Variants in AGAP1 observed in about 807,000 individuals in gnomAD.
The protein encoded by AGAP1 is ArfGAP with GTPase domain, ankyrin repeat and PH domain 1.
A neutral mutation model predicts 105.3 loss-of-function variants in AGAP1; 29 were observed. That is an observed-to-expected ratio of 0.28 (90% CI 0.21 to 0.38). The LOEUF (loss-of-function observed/expected upper bound fraction) is 0.38, where lower values mean the gene tolerates loss of function less well. Among genes scored for constraint, AGAP1 ranks in the 10% least tolerant of loss-of-function variants. The pLI, the probability that AGAP1 is intolerant of heterozygous loss-of-function variation, is 1.00. For missense variants in AGAP1, 998 were observed against 1,165.1 expected (o/e 0.86, Z 2.09); for synonymous variants, 509 against 485.9 (o/e 1.05, Z -0.63).
At position 236,129,931 on chromosome 2, in the gene AGAP1, G is replaced by A. The variant is rs1349994287; in HGVS notation, c.*5809G>A. 1.3e-5 allele frequency: 2 copies of A among 152,242 alleles called. No individual in the cohort carries two copies. The highest frequency in any genetic ancestry group is 4.8e-5 in the African/African-American group (2 of 41,454). The allele number at this position is 152,242 out of a possible 1,614,324, so 9.4% of individuals were successfully genotyped here. On this transcript the variant is annotated 3_prime_UTR_variant, in exon 18 of 18. Transcript: ENST00000304032. This position sits in a 1 kb window ranked among gnomAD's most constrained non-coding sequence, Gnocchi z 6.2. ...TTCTTACTGTCTTTCACCATGAGAT[G>A]CTGGTTTTGGTGTAAAATGACAGCA...
rs559267462 is a variant in AGAP1, at chr2:235,732,280, C to T, written c.311-8683C>T. ...ACCTCTGTCTTTTTAATCTCATTGA[C>T]TGTGTCTGTTTCAAGCCATTCCTCT... On this transcript the variant is annotated intron_variant, in intron 3 of 17. Transcript: ENST00000304032. The surrounding 1 kb of genome is among the most constrained non-coding windows in gnomAD (Gnocchi z 4.8). Among the ~76,000 whole-genome samples, 6 of 152,268 alleles carry T rather than the reference C, an allele frequency of 3.9e-5. No individual in the cohort carries two copies. Among genetic ancestry groups the T allele is most frequent in the African/African-American group, 1.4e-4 (6 of 41,548 alleles).
At chr2:235,974,831 A>G (rs1400887600) in intron 13 of AGAP1, among the ~76,000 whole-genome samples, 2 of 152,250 alleles carry the variant, frequency 1.3e-5, no homozygotes, top group African/African-American at 2.4e-5. Flanking sequence ...CAACCACCAC[A>G]GGGAAAGCAC....
rs1412545365 is a variant in AGAP1 at position 236,012,537 on chromosome 2, T to C, written c.1646-24024T>C. The stretch of plus-strand genomic sequence containing the variant: ...GCAAACATTTGAGACCCGGGACAGA[T>C]TTGGTTTCCTTCGTTCCTCATGCAT... On this transcript the variant is annotated intron_variant, in intron 13 of 17. Transcript: ENST00000304032. This position sits in a 1 kb window ranked among gnomAD's most constrained non-coding sequence, Gnocchi z 4.9. Among the ~76,000 whole-genome samples, 1 of 152,068 alleles carries C rather than the reference T, an allele frequency of 6.6e-6. No homozygotes were observed. The highest frequency in any genetic ancestry group is 2.4e-5 in the African/African-American group (1 of 41,420).
chr2:235,990,870 C>T (rs2055536948), intron 13 of AGAP1, among the ~76,000 whole-genome samples: 3 of 152,176 alleles, frequency 2.0e-5, no homozygotes, highest in Non-Finnish European at 2.9e-5. Flanking sequence ...TTGTGATCAA[C>T]ACAATGGAAC....
At chr2:235,745,198 A>G (rs1395453209) in intron 5 of AGAP1, among the ~76,000 whole-genome samples, 1 of 152,238 alleles carries the variant, frequency 6.6e-6, no homozygotes. Flanking sequence ...TCTCTGTTCT[A>G]TAAAATGATT....
At chr2:235,563,233 G>A (rs914315406) in intron 1 of AGAP1, among the ~76,000 whole-genome samples, 3 of 151,994 alleles carry the variant, frequency 2.0e-5, no homozygotes, top group African/African-American at 2.4e-5. Context: ...GTGCCCCCCT[G>A]CCCTGGCCCA....
chr2:235,940,514 G>A (rs1213537793), intron 12 of AGAP1, among the ~76,000 whole-genome samples: 4 of 152,170 alleles, frequency 2.6e-5, no homozygotes, highest in Non-Finnish European at 5.9e-5. Context: ...TCTGGGATGA[G>A]TCATCCACCA....
chr2:235,665,413 G>A lies in AGAP1; in HGVS notation c.164-43766G>A, dbSNP rs569611195. ...GGGTCAAGTCCTCATCTCTTTTACA[G>A]TTCCACGTTTAACCTTCAGCTTTTA... On this transcript the variant is annotated intron_variant, in intron 1 of 17. Transcript: ENST00000304032. This position sits in a 1 kb window ranked among gnomAD's most constrained non-coding sequence, Gnocchi z 5.3. 6.6e-6 allele frequency among the ~76,000 whole-genome samples: 1 copy of A among 152,218 alleles called. No individual in the cohort carries two copies. Among genetic ancestry groups the A allele is most frequent in the South Asian group, 2.1e-4 (1 of 4,810 alleles).
rs181669429 is a variant in AGAP1, at chr2:235,701,750, C to T, written c.164-7429C>T. On this transcript the variant is annotated intron_variant, in intron 1 of 17. Coordinates refer to ENST00000304032, the MANE Select transcript of AGAP1 (RefSeq NM_001037131.3). This position sits in a 1 kb window ranked among gnomAD's most constrained non-coding sequence, Gnocchi z 4.1. ...ATCCAGTTTGCAGCGGGCTCTTTTCCGGCTGCGTTGAAATGGATTTCTTTA... is the reference window on the plus strand; with the variant it reads ...ATCCAGTTTGCAGCGGGCTCTTTTCTGGCTGCGTTGAAATGGATTTCTTTA... Among the ~76,000 whole-genome samples, 14 of 152,212 alleles carry T rather than the reference C, an allele frequency of 9.2e-5. No homozygotes were observed. The highest frequency in any genetic ancestry group is 3.3e-4 in the Admixed American group (5 of 15,296).
At chr2:236,034,963 G>C (rs1057227410) in intron 13 of AGAP1, among the ~76,000 whole-genome samples, 1 of 152,218 alleles carries the variant, frequency 6.6e-6, no homozygotes, top group African/African-American at 2.4e-5. Context: ...CAGCCACAAA[G>C]AGGGCTGCAT....
intron 16 of AGAP1, among the ~76,000 whole-genome samples, chr2:236,097,996 T>C (rs538077996): frequency 3.0e-4 from 45 of 152,320 alleles, no homozygotes; most frequent in African/African-American, 1.0e-3. Flanking sequence ...AGAATTTCTG[T>C]CCCTGAATAT....
chr2:235,841,463 T>C (rs768198009), intron 9 of AGAP1, among the ~76,000 whole-genome samples: 2 of 152,066 alleles, frequency 1.3e-5, no homozygotes, highest in Non-Finnish European at 2.9e-5. Context: ...GCCCCATCTG[T>C]ACAACAAATA....
In AGAP1 at chr2:235,843,749, C is replaced by T. The variant is rs1241043810; in HGVS notation, c.1050+36418C>T. 6.6e-6 allele frequency among the ~76,000 whole-genome samples: 1 copy of T among 152,224 alleles called. No homozygotes were observed. Among genetic ancestry groups the T allele is most frequent in the Non-Finnish European group, 1.5e-5 (1 of 68,034 alleles). On this transcript the variant is annotated intron_variant, in intron 9 of 17. Coordinates refer to ENST00000304032, the MANE Select transcript of AGAP1 (RefSeq NM_001037131.3). The surrounding 1 kb of genome is among the most constrained non-coding windows in gnomAD (Gnocchi z 5.9). ...CAGCCTAGCTCCCGGCAGGACCTCC[C>T]CACTGGACTTTTCCAAGATGTCAGT...
intron 1 of AGAP1, among the ~76,000 whole-genome samples, chr2:235,524,114 C>G (rs1020294239): frequency 2.0e-5 from 3 of 152,204 alleles, no homozygotes; most frequent in Admixed American, 2.0e-4. Context: ...TGTAGACGCT[C>G]CATCGGAAAT....
At position 235,690,836 on chromosome 2, in the gene AGAP1, G is replaced by A. The variant is rs1365772942; in HGVS notation, c.164-18343G>A. Among the ~76,000 whole-genome samples, 1 of 152,154 alleles carries A rather than the reference G, an allele frequency of 6.6e-6. No individual in the cohort carries two copies. Among genetic ancestry groups the A allele is most frequent in the Non-Finnish European group, 1.5e-5 (1 of 68,036 alleles). Reference sequence around the variant, plus strand: ...TATTTTTTTCTCCAGTCTAGTCATAGTATTGGTTTCGAGAAGTCAAAATCA... The same window carrying A: ...TATTTTTTTCTCCAGTCTAGTCATAATATTGGTTTCGAGAAGTCAAAATCA... On this transcript the variant is annotated intron_variant, in intron 1 of 17. Transcript: ENST00000304032. The surrounding 1 kb of genome is among the most constrained non-coding windows in gnomAD (Gnocchi z 4.1).
rs1382947363 is a variant in AGAP1 at position 236,078,006 on chromosome 2, T to A, written c.2114+28725T>A. Reference sequence around the variant, plus strand: ...TTGCTCTGCTCACAGCCATGCTGTATCCATCAGGGTTCTCCAGAGAAACAA... The same window carrying A: ...TTGCTCTGCTCACAGCCATGCTGTAACCATCAGGGTTCTCCAGAGAAACAA... On this transcript the variant is annotated intron_variant, in intron 16 of 17. Coordinates refer to ENST00000304032, the MANE Select transcript of AGAP1 (RefSeq NM_001037131.3). This position sits in a 1 kb window ranked among gnomAD's most constrained non-coding sequence, Gnocchi z 5.3. Among the ~76,000 whole-genome samples the A allele has an allele frequency of 6.6e-6, 1 of 151,828 alleles. No individual in the cohort carries two copies. Among genetic ancestry groups the A allele is most frequent in the Non-Finnish European group, 1.5e-5 (1 of 67,994 alleles).
Position 236,055,044 on chromosome 2 carries a change from G to A in AGAP1, c.2114+5763G>A, listed in dbSNP as rs1266623272. ...TAATTAATGGCCTGATTATCTTAAT[G>A]TTAAATATGTCCGGCAGCAATTACT... On this transcript the variant is annotated intron_variant, in intron 16 of 17. Transcript: ENST00000304032. The surrounding 1 kb of genome is among the most constrained non-coding windows in gnomAD (Gnocchi z 6.2). Among the ~76,000 whole-genome samples, 1 of 152,208 alleles carries A rather than the reference G, an allele frequency of 6.6e-6. No individual in the cohort carries two copies. The highest frequency in any genetic ancestry group is 1.5e-5 in the Non-Finnish European group (1 of 68,040).
intron 1 of AGAP1, chr2:235,670,709 G>A (rs930485027): frequency 6.5e-6 from 5 of 769,148 alleles, no homozygotes; most frequent in Admixed American, 6.4e-5. Context: ...CACGCAGCCC[G>A]CCTCGGAGAA....
At chr2:235,839,726 A>AT (rs1960586530) in intron 9 of AGAP1, among the ~76,000 whole-genome samples, 1 of 152,184 alleles carries the variant, frequency 6.6e-6, no homozygotes, top group Non-Finnish European at 1.5e-5. Context: ...TTAGAAGAAC[A>AT]TTAGGCAGAG....
Sources: gnomAD v4.1 joint callset for allele counts (sites outside exome capture counted in the v4.1 genomes callset) on GRCh38, gnomAD v4.1.1 for gene constraint, Gnocchi (gnomAD v3.1) non-coding constraint, MANE v1.5 for transcripts, NCBI Gene and HGNC (gene_info 2026-07-23, HGNC 2026-07-21) for gene names.